The following TRDN variants were observed in gnomAD, a reference collection of about 807,000 sequenced individuals.
TRDN encodes triadin.
Under a neutral mutation model 149.7 loss-of-function variants are expected in TRDN, and 161 were observed. The observed-to-expected ratio is 1.08, with a 90% CI of 0.95 to 1.23. TRDN has a LOEUF of 1.23. TRDN is among the 50% of genes most tolerant of loss of function. The pLI, the probability that TRDN is intolerant of heterozygous loss-of-function variation, is 0.00. For missense variants in TRDN, 896 were observed against 823.5 expected (o/e 1.09, Z -1.08); for synonymous variants, 294 against 250.5 (o/e 1.17, Z -1.64).
At chr6:123,634,343 A>C (rs562220188) in intron 1 of TRDN, among the ~76,000 whole-genome samples, 1 of 152,108 alleles carries the variant, frequency 6.6e-6, no homozygotes, top group South Asian at 2.1e-4. Context: ...TCTGATGCTG[A>C]GGTAGAAAGA....
chr6:123,493,492 T>C (rs902077896), intron 9 of TRDN, among the ~76,000 whole-genome samples: 1 of 152,318 alleles, frequency 6.6e-6, no homozygotes, highest in East Asian at 1.9e-4. Context: ...TTGGGACTTA[T>C]GTCATAGTGT....
At chr6:123,494,152 C>T (rs1409117246) in intron 9 of TRDN, among the ~76,000 whole-genome samples, 2 of 152,148 alleles carry the variant, frequency 1.3e-5, no homozygotes, top group African/African-American at 4.8e-5. Flanking sequence ...ATTAATGGTA[C>T]AAAGAAATCT....
chr6:123,610,376 G>T (rs1784740308), intron 1 of TRDN, among the ~76,000 whole-genome samples: 1 of 152,114 alleles, frequency 6.6e-6, no homozygotes, highest in South Asian at 2.1e-4. Flanking sequence ...CATCACTTAT[G>T]TTGCCCAGGA....
chr6:123,348,048 T>C (rs1044167731), intron 21 of TRDN, among the ~76,000 whole-genome samples: 1 of 152,214 alleles, frequency 6.6e-6, no homozygotes, highest in East Asian at 1.9e-4. Flanking sequence ...AGAATGCAGA[T>C]TCTCTGTCTG....
chr6:123,353,938 T>C (rs1780560496), intron 20 of TRDN, among the ~76,000 whole-genome samples: 1 of 151,800 alleles, frequency 6.6e-6, no homozygotes, highest in Non-Finnish European at 1.5e-5. Context: ...ATAGGGTAAA[T>C]ACCAATGAAT....
intron 2 of TRDN, among the ~76,000 whole-genome samples, chr6:123,556,179 C>A (rs1781643845): frequency 6.6e-6 from 1 of 151,976 alleles, no homozygotes; most frequent in South Asian, 2.1e-4. Context: ...TATTTAAATG[C>A]CTTACTTTAC....
chr6:123,267,394 AC>A (rs910354327), intron 32 of TRDN, among the ~76,000 whole-genome samples: 6 of 152,130 alleles, frequency 3.9e-5, no homozygotes, highest in Non-Finnish European at 8.8e-5. Context: ...AAAACTATCA[AC>A]TTAATCTGTA....
In TRDN at chr6:123,388,475, T is replaced by C. The variant is rs1256248046; in HGVS notation, c.1135+47A>G. 10 of 1,567,902 alleles carry C rather than the reference T, an allele frequency of 6.4e-6. No homozygotes were observed. In the South Asian group the frequency reaches 1.1e-4, roughly 16 times the overall value. ...GTCAAAACCCAACTCAGGATATTGG[T>C]AAATTGTACTCACAAAAGGCTCAGT... On this transcript the variant is annotated intron_variant, in intron 14 of 40. Coordinates refer to ENST00000334268, the MANE Select transcript of TRDN (RefSeq NM_006073.4).
chr6:123,481,633 C>T (rs1777755069), intron 9 of TRDN, among the ~76,000 whole-genome samples: 1 of 152,092 alleles, frequency 6.6e-6, no homozygotes, highest in Non-Finnish European at 1.5e-5. Flanking sequence ...GAACTTAGCA[C>T]AGTACCTGAC....
At chr6:123,611,825 G>T (rs1458731923) in intron 1 of TRDN, among the ~76,000 whole-genome samples, 1 of 152,132 alleles carries the variant, frequency 6.6e-6, no homozygotes, top group Non-Finnish European at 1.5e-5. Flanking sequence ...GTTTGGTGGA[G>T]ATTTTTGGAT....
At chr6:123,578,379 T>C (rs984217752) in intron 1 of TRDN, among the ~76,000 whole-genome samples, 4 of 152,186 alleles carry the variant, frequency 2.6e-5, no homozygotes, top group Admixed American at 6.5e-5. Flanking sequence ...GCATCATTTA[T>C]TGAGTAGGGA....
chr6:123,361,598 C>A (rs1316843905), intron 20 of TRDN, among the ~76,000 whole-genome samples: 1 of 152,100 alleles, frequency 6.6e-6, no homozygotes, highest in Admixed American at 6.5e-5. Context: ...TCCCAGCCAA[C>A]TATCTTCATC....
chr6:123,234,371 T>C (rs1367696535), intron 38 of TRDN, among the ~76,000 whole-genome samples: 2 of 152,142 alleles, frequency 1.3e-5, no homozygotes, highest in Non-Finnish European at 2.9e-5. Flanking sequence ...ATTAAATATA[T>C]ATACACCCAT....
chr6:123,264,108 A>G (rs1776860125), intron 33 of TRDN, among the ~76,000 whole-genome samples: 1 of 152,080 alleles, frequency 6.6e-6, no homozygotes, highest in South Asian at 2.1e-4. Flanking sequence ...AGTAATTTTG[A>G]CATTCAAGTC....
chr6:123,293,316 T>A (rs1457104585), intron 24 of TRDN, among the ~76,000 whole-genome samples: 1 of 152,148 alleles, frequency 6.6e-6, no homozygotes, highest in South Asian at 2.1e-4. Flanking sequence ...CCACTATTAC[T>A]TGGACCTGAA....
intron 18 of TRDN, 68 bp downstream of exon 18, chr6:123,377,648 T>G (rs1462709412): frequency 6.3e-7 from 1 of 1,584,608 alleles, no homozygotes; most frequent in Non-Finnish European, 8.6e-7. Flanking sequence ...TACCACCTGT[T>G]TGAGGCTACA....
At chr6:123,225,781 C>A (rs1390287265) in intron 38 of TRDN, among the ~76,000 whole-genome samples, 1 of 151,652 alleles carries the variant, frequency 6.6e-6, no homozygotes, top group Non-Finnish European at 1.5e-5. Flanking sequence ...TTGTGTAAAT[C>A]ACTTGGTCTT....
chr6:123,264,329 C>T lies in TRDN; in HGVS notation c.1804+989G>A, dbSNP rs369520996. 1.1e-4 allele frequency among the ~76,000 whole-genome samples: 17 copies of T among 152,012 alleles called. No individual in the cohort carries two copies. In the East Asian group the frequency reaches 1.4e-3, roughly 12 times the overall value. ...TGATTTTGACTCTTACGGATGACTT[C>T]GAGAGGTTTAAGGATTCAGTAGAAG... is the stretch of plus-strand genomic sequence containing the variant. On this transcript the variant is annotated intron_variant, in intron 33 of 40. Transcript: ENST00000334268.
intron 9 of TRDN, chr6:123,468,919 G>A (rs1776992782): frequency 6.6e-6 from 1 of 152,068 alleles, no homozygotes; most frequent in Non-Finnish European, 1.5e-5. Flanking sequence ...AATAAATCCT[G>A]GGACTGGAAA....
Sources: gnomAD v4.1 joint callset for allele counts (sites outside exome capture counted in the v4.1 genomes callset) on GRCh38, gnomAD v4.1.1 for gene constraint, MANE v1.5 for transcripts, NCBI Gene and HGNC (gene_info 2026-07-23, HGNC 2026-07-21) for gene names.